The following CRYAB variants were observed in gnomAD, a reference collection of about 807,000 sequenced individuals.
The protein encoded by CRYAB is alpha-crystallin B chain.
Under a neutral mutation model 12.7 loss-of-function variants are expected in CRYAB, and 9 were observed. The observed-to-expected ratio is 0.71, with a 90% confidence interval of 0.43 to 1.24. The LOEUF (loss-of-function observed/expected upper bound fraction) is 1.24. Among genes scored for constraint, CRYAB ranks in the 50% most tolerant of loss-of-function variants. The pLI is 0.00. For synonymous variants in CRYAB, 93 were observed against 86.8 expected, an observed-to-expected ratio of 1.07 and a Z score of -0.40; for missense variants, 183 against 226.6, an observed-to-expected ratio of 0.81 and a Z score of 1.24.
upstream of CRYAB, chr11:111,913,791 G>A (rs141000255): frequency 8.7e-6 from 14 of 1,614,140 alleles, no homozygotes; most frequent in African/African-American, 1.7e-4. Flanking sequence ...AGCACCTCGG[G>A]GTGGCCGACA....
At chr11:111,913,136 T>TA, upstream of CRYAB, 1 of 606,274 alleles carries the variant, frequency 1.6e-6, no homozygotes, top group South Asian at 2.0e-5. Context: ...GCAGTGCTGA[T>TA]ACCTGCTCTT....
Position 111,918,660 on chromosome 11 carries a change from A to G in CRYAB, c.-199+5043T>C, listed in dbSNP as rs1216078040. 8.8e-6 allele frequency: 6 copies of G among 679,370 alleles called. No homozygotes were observed. The African/African-American group carries it at 8.8e-5, about 10-fold the overall frequency. The allele number at this position is 679,370 out of a possible 1,614,324, so 42.1% of individuals were successfully genotyped here. On this transcript the variant is annotated intron_variant, in intron 1 of 3. Transcript: ENST00000527950. Reference sequence around the variant, plus strand: ...AGAAGCATTTCGTAAGGAAACCAAGAGCCCTTTTCTATCTCAGGTTTCTTT... The same window carrying G: ...AGAAGCATTTCGTAAGGAAACCAAGGGCCCTTTTCTATCTCAGGTTTCTTT...
chr11:111,915,253 C>G (rs587717238), upstream of CRYAB, among the ~76,000 whole-genome samples: 16 of 152,266 alleles, frequency 1.1e-4, no homozygotes, highest in African/African-American at 3.4e-4. Flanking sequence ...CACATACCCC[C>G]CTTAGGGATC....
chr11:111,912,693 A>G (rs541686937), upstream of CRYAB: 120 of 327,464 alleles, frequency 3.7e-4, 1 homozygote, highest in Non-Finnish European at 6.2e-4. Flanking sequence ...CCCCCCCAAG[A>G]GGCTCGGCAC....
chr11:111,921,757 A>T (rs1965703059), intron 1 of CRYAB, among the ~76,000 whole-genome samples: 1 of 152,226 alleles, frequency 6.6e-6, no homozygotes, highest in Admixed American at 6.5e-5. Context: ...TATGCTAGGA[A>T]CCATGCTAAG....
upstream of CRYAB, chr11:111,913,028 C>T: frequency 1.2e-6 from 1 of 800,696 alleles, no homozygotes; most frequent in Non-Finnish European, 2.1e-6. Context: ...CTTAACTGAT[C>T]TCCTGGGACC....
chr11:111,922,026 T>G (rs939222285), intron 1 of CRYAB, among the ~76,000 whole-genome samples: 1 of 152,018 alleles, frequency 6.6e-6, no homozygotes, highest in Admixed American at 6.6e-5. Flanking sequence ...AGAGACGGGG[T>G]TTCACCTGTT....
upstream of CRYAB, among the ~76,000 whole-genome samples, chr11:111,916,659 A>G (rs12284944): frequency 0.49 from 74,704 of 152,034 alleles, 20,861 homozygotes; most frequent in African/African-American, 0.77. Context: ...TATTCCAGTC[A>G]TGGATTGACT....
At chr11:111,913,260 C>G, upstream of CRYAB, 1 of 638,016 alleles carries the variant, frequency 1.6e-6, no homozygotes. Flanking sequence ...CCTTTCCGTT[C>G]TCTTTCCCCT....
intron 2 of CRYAB, chr11:111,909,401 C>A: frequency 2.8e-6 from 1 of 357,774 alleles, no homozygotes; most frequent in South Asian, 2.2e-5. Context: ...AAAAATGACT[C>A]CATCCAAGGA....
upstream of CRYAB, among the ~76,000 whole-genome samples, chr11:111,914,617 G>T (rs797036605): frequency 2.6e-4 from 39 of 152,226 alleles, 1 homozygote; most frequent in African/African-American, 8.2e-4. Flanking sequence ...ATCCTCTGGG[G>T]GTACGGTGTA....
chr11:111,919,203 G>C, intron 1 of CRYAB: 1 of 630,180 alleles, frequency 1.6e-6, no homozygotes, highest in Non-Finnish European at 2.8e-6. Context: ...GGCTGGGCGC[G>C]GTGGCTCACG....
Position 111,908,766 on chromosome 11 carries a change from A to G in CRYAB, c.526T>C (p.Ter176GlnextTer19). Residue 176 changes from the stop codon to glutamine (Q), a stop_lost, in exon 3 of 3, where the codon TAG (stop) becomes CAG (glutamine). Coordinates refer to ENST00000650687, the MANE Select transcript of CRYAB (RefSeq NM_001289808.2). ...KPAVTAAPKK[*>Q] The stretch of plus-strand genomic sequence containing the variant: ...AAATGCAATTCAAGAAAGGGCATCT[A>G]TTTCTTGGGGGCTGCGGTGACAGCA... The G allele has an allele frequency of 1.2e-6, 2 of 1,612,480 alleles. No homozygotes were observed. Among genetic ancestry groups the G allele is most frequent in the Non-Finnish European group, 1.7e-6 (2 of 1,179,942 alleles).
At chr11:111,912,729 C>A (rs1007419531), upstream of CRYAB, 1 of 872,484 alleles carries the variant, frequency 1.1e-6, no homozygotes, top group Admixed American at 2.2e-5. Context: ...CGACCCCGCC[C>A]CCACCTCCTA....
chr11:111,918,374 T>C lies in CRYAB; in HGVS notation c.-199+5329A>G, dbSNP rs149675652. On this transcript the variant is annotated intron_variant, in intron 1 of 3. Transcript: ENST00000527950. ...TTTTCATTTCACAGCCCTAGAAACT[T>C]AGGCCCTATAAAGGTTAAGTGATTT... 6.7e-4 allele frequency among the ~76,000 whole-genome samples: 102 copies of C among 152,242 alleles called. 1 individual carries two copies. The highest frequency in any genetic ancestry group is 2.4e-3 in the African/African-American group (101 of 41,542).
chr11:111,909,541 C>A lies in CRYAB; in HGVS notation c.325-574G>T, dbSNP rs533836578. Among the ~76,000 whole-genome samples the A allele has an allele frequency of 9.3e-4, 141 of 152,280 alleles. 3 individuals are homozygous for A. The South Asian group carries it at 0.029, about 31-fold the overall frequency. The stretch of plus-strand genomic sequence containing the variant: ...AATGGTGAGAAGCAATTTTAAAGCC[C>A]TCTTATAAAGTCATAACAAGCTGTT... On this transcript the variant is annotated intron_variant, in intron 2 of 2. Coordinates refer to ENST00000650687, the MANE Select transcript of CRYAB (RefSeq NM_001289808.2).
intron 2 of CRYAB, 64 bp downstream of exon 2, chr11:111,910,263 C>T: frequency 6.2e-7 from 1 of 1,604,542 alleles, no homozygotes; most frequent in Non-Finnish European, 8.5e-7. Context: ...GCTGATAGCA[C>T]TACCTGGACT....
chr11:111,916,309 C>T (rs1367943355), upstream of CRYAB, among the ~76,000 whole-genome samples: 1 of 151,544 alleles, frequency 6.6e-6, no homozygotes, highest in South Asian at 2.1e-4. Context: ...CCCCTCACTG[C>T]AACCTCCTCC....
upstream of CRYAB, chr11:111,911,874 C>T (rs1965473487): frequency 3.1e-6 from 2 of 636,406 alleles, no homozygotes; most frequent in East Asian, 5.5e-5. Context: ...TTCATGGAGA[C>T]TTGTGATCCG....
Sources: gnomAD v4.1 joint callset for allele counts (sites outside exome capture counted in the v4.1 genomes callset) on GRCh38, gnomAD v4.1.1 for gene constraint, MANE v1.5 for transcripts, NCBI Gene and HGNC (gene_info 2026-07-23, HGNC 2026-07-21) for gene names.